The following SLC35D3 variants were observed in gnomAD, a reference collection of about 807,000 sequenced individuals.
SLC35D3 encodes solute carrier family 35 member D3, also known as frc, fringe-like 1.
Under a neutral mutation model 20.3 loss-of-function variants are expected in SLC35D3, and 18 were observed. The observed-to-expected ratio is 0.89, with a 90% confidence interval of 0.61 to 1.32. The LOEUF (loss-of-function observed/expected upper bound fraction) is 1.32. Among genes scored for constraint, SLC35D3 ranks in the 40% most tolerant of loss-of-function variants. SLC35D3 has a pLI of 0.00. For synonymous variants in SLC35D3, 313 were observed against 263.5 expected, an observed-to-expected ratio of 1.19 and a Z score of -1.82; for missense variants, 556 against 565.5, an observed-to-expected ratio of 0.98 and a Z score of 0.17.
Position 136,924,270 on chromosome 6 carries a change from C to T in SLC35D3, c.825C>T (p.Ser275=), listed in dbSNP as rs542289113. ...ATITVGMVAF[S]DVEPTSLFIA... ...TCACGGTGGGCATGGTGGCCTTCAGCGACGTGGAGCCCACCTCTCTGTTCA... is the reference window on the plus strand; with the variant it reads ...TCACGGTGGGCATGGTGGCCTTCAGTGACGTGGAGCCCACCTCTCTGTTCA... The change falls in exon 2 of 2, where the codon AGC becomes AGT. Residue 275 remains serine, a synonymous_variant. Coordinates refer to ENST00000331858, the MANE Select transcript of SLC35D3 (RefSeq NM_001008783.3). The T allele has an allele frequency of 1.2e-6, 2 of 1,614,096 alleles. No individual in the cohort carries two copies. The highest frequency in any genetic ancestry group is 3.3e-5 in the Admixed American group (2 of 60,032).
At position 136,924,491 on chromosome 6, in the gene SLC35D3, G is replaced by T; in HGVS notation, c.1046G>T (p.Gly349Val). ...GEGGNGRSEGGEAAGGPAQES... is the reference protein window; with the variant it reads ...GEGGNGRSEGVEAAGGPAQES... ...GGAGGAAATGGCCGGTCAGAAGGTGGGGAGGCAGCAGGTGGCCCCGCTCAG... is the reference window on the plus strand; with the variant it reads ...GGAGGAAATGGCCGGTCAGAAGGTGTGGAGGCAGCAGGTGGCCCCGCTCAG... The change falls in exon 2 of 2, where the codon GGG (glycine) becomes GTG (valine). Residue 349 changes from glycine (G) to valine (V), a missense_variant. Transcript: ENST00000331858. 1 of 1,613,552 alleles carries T rather than the reference G, an allele frequency of 6.2e-7. No homozygotes were observed. Among genetic ancestry groups the T allele is most frequent in the Middle Eastern group, 1.7e-4 (1 of 5,848 alleles).
In SLC35D3 at chr6:136,925,193, T is replaced by C. The variant is rs951192541; in HGVS notation, c.*497T>C. 1 of 154,152 alleles carries C rather than the reference T, an allele frequency of 6.5e-6. No individual in the cohort carries two copies. Among genetic ancestry groups the C allele is most frequent in the African/African-American group, 2.4e-5 (1 of 41,460 alleles). 9.5% of individuals were successfully genotyped at this position (154,152 alleles called of 1,614,324 possible). On this transcript the variant is annotated 3_prime_UTR_variant, in exon 2 of 2. Coordinates refer to ENST00000331858, the MANE Select transcript of SLC35D3 (RefSeq NM_001008783.3). ...ATATTGAATTGATGTTTACTGTTTATAGTCATCTGAAATATCATATTTACT... is the reference window on the plus strand; with the variant it reads ...ATATTGAATTGATGTTTACTGTTTACAGTCATCTGAAATATCATATTTACT...
rs1442159765 is a variant in SLC35D3 at position 136,922,841 on chromosome 6, T to C, written c.413T>C (p.Ile138Thr). 3 of 1,545,598 alleles carry C rather than the reference T, an allele frequency of 1.9e-6. No individual in the cohort carries two copies. Among genetic ancestry groups the C allele is most frequent in the East Asian group, 2.4e-5 (1 of 41,274 alleles). The change falls in exon 1 of 2, where the codon ATC (isoleucine) becomes ACC (threonine). Residue 138 changes from isoleucine (I) to threonine (T), a missense_variant. Coordinates refer to ENST00000331858, the MANE Select transcript of SLC35D3 (RefSeq NM_001008783.3). This position sits in a 1 kb window ranked among gnomAD's most constrained non-coding sequence, Gnocchi z 6.8. ...CCAGGGGTGCTGGCGGCGGTGCTCA[T>C]CACCACCTGCGGCGCCGCCCTGGCA... Reference protein sequence around the residue: ...PSPGVLAAVLITTCGAALAGA... With the variant: ...PSPGVLAAVLTTTCGAALAGA...
chr6:136,924,557 C>T lies in SLC35D3; in HGVS notation c.1112C>T (p.Pro371Leu), dbSNP rs767981863. The part of the protein sequence containing the change: ...QEVRGSPRGV[P>L]LVAGSSEEGS... ...GTCAGGGGCAGCCCCCGAGGAGTCC[C>T]GCTGGTGGCTGGGAGCTCTGAAGAA... Residue 371 changes from proline to leucine, a missense_variant, in exon 2 of 2, where the codon CCG becomes CTG. Pro to Leu is a moderately conservative substitution (Grantham distance 98). Coordinates refer to ENST00000331858, the MANE Select transcript of SLC35D3 (RefSeq NM_001008783.3). 2.5e-6 allele frequency: 4 copies of T among 1,613,542 alleles called. No individual in the cohort carries two copies. Among genetic ancestry groups the T allele is most frequent in the Admixed American group, 3.3e-5 (2 of 60,010 alleles).
rs1420818887 is a variant in SLC35D3, at chr6:136,924,509, C to G, written c.1064C>G (p.Pro355Arg). ...GAAGGTGGGGAGGCAGCAGGTGGCCCCGCTCAGGAGAGCAGGCAAGAGGTC... is the reference window on the plus strand; with the variant it reads ...GAAGGTGGGGAGGCAGCAGGTGGCCGCGCTCAGGAGAGCAGGCAAGAGGTC... Reference protein sequence around the residue: ...RSEGGEAAGGPAQESRQEVRG... With the variant: ...RSEGGEAAGGRAQESRQEVRG... Residue 355 changes from proline to arginine, a missense_variant, in exon 2 of 2, where the codon CCC becomes CGC. By Grantham distance (103) the Pro-to-Arg change is moderately radical. Transcript: ENST00000331858. 6.2e-7 allele frequency: 1 copy of G among 1,613,342 alleles called. No individual in the cohort carries two copies. The highest frequency in any genetic ancestry group is 2.2e-5 in the East Asian group (1 of 44,872).
rs771964030 is a variant in SLC35D3 at position 136,922,635 on chromosome 6, C to G, written c.207C>G (p.Pro69=). ...GCCTCGGGCTCATCGCCGTGCCCCC[C>G]TTCGGTCTGAGCCTGGCGCGCTCCT... ...LRRLGLIAVP[P]FGLSLARSFA... is the part of the protein sequence containing the mutation. The change falls in exon 1 of 2, where the codon CCC becomes CCG. Residue 69 remains proline, a synonymous_variant. Coordinates refer to ENST00000331858, the MANE Select transcript of SLC35D3 (RefSeq NM_001008783.3). This position sits in a 1 kb window ranked among gnomAD's most constrained non-coding sequence, Gnocchi z 6.8. 1 of 1,610,190 alleles carries G rather than the reference C, an allele frequency of 6.2e-7. No homozygotes were observed. The highest frequency in any genetic ancestry group is 8.5e-7 in the Non-Finnish European group (1 of 1,179,570).
Position 136,924,415 on chromosome 6 carries a change from C to A in SLC35D3, c.970C>A (p.Gln324Lys), listed in dbSNP as rs777783191. The A allele has an allele frequency of 6.2e-7, 1 of 1,613,958 alleles. No homozygotes were observed. Residue 324 changes from glutamine to lysine, a missense_variant, in exon 2 of 2, where the codon CAG (glutamine) becomes AAG (lysine). Coordinates refer to ENST00000331858, the MANE Select transcript of SLC35D3 (RefSeq NM_001008783.3). The part of the protein sequence containing the change: ...LEAQPRGEEA[Q>K]LSGDQLPFVM... ...GGCCCAGCCTCGGGGAGAGGAGGCG[C>A]AGCTAAGTGGAGACCAGCTGCCGTT...
Position 136,922,655 on chromosome 6 carries a change from G to C in SLC35D3, c.227G>C (p.Arg76Pro). 6.2e-7 allele frequency: 1 copy of C among 1,607,960 alleles called. No homozygotes were observed. Among genetic ancestry groups the C allele is most frequent in the Non-Finnish European group, 8.5e-7 (1 of 1,178,986 alleles). The change falls in exon 1 of 2, where the codon CGC (arginine) becomes CCC (proline). Residue 76 changes from arginine (R) to proline (P), a missense_variant. Coordinates refer to ENST00000331858, the MANE Select transcript of SLC35D3 (RefSeq NM_001008783.3). The surrounding 1 kb of genome is among the most constrained non-coding windows in gnomAD (Gnocchi z 6.8). ...CCCCCCTTCGGTCTGAGCCTGGCGC[G>C]CTCCTTCGCGGGGGTCGCGGTGCTC... The part of the protein sequence containing the change: ...AVPPFGLSLA[R>P]SFAGVAVLST...
rs1476702182 is a variant in SLC35D3, at chr6:136,925,260, A to G, written c.*564A>G. ...GTTTTTTAAAAATAAGTGTCCTATT[A>G]TTGTATTATATATTGATAGAAACTG... On this transcript the variant is annotated 3_prime_UTR_variant, in exon 2 of 2. Transcript: ENST00000331858. 6.5e-6 allele frequency: 1 copy of G among 152,770 alleles called. No homozygotes were observed. Among genetic ancestry groups the G allele is most frequent in the Non-Finnish European group, 1.5e-5 (1 of 68,150 alleles). The allele number at this position is 152,770 out of a possible 1,614,324, so 9.5% of individuals were successfully genotyped here. A position where few individuals can be genotyped will look rare whatever the true frequency, so the allele number is the denominator to read the frequency against.
In SLC35D3 at chr6:136,922,731, GCCCATGTA is replaced by G; in HGVS notation, c.305_312del (p.Pro102ArgfsTer274). On this transcript the variant is annotated frameshift_variant, in exon 1 of 2. Coordinates refer to ENST00000331858, the MANE Select transcript of SLC35D3 (RefSeq NM_001008783.3). LOFTEE classifies it high-confidence loss of function. This position sits in a 1 kb window ranked among gnomAD's most constrained non-coding sequence, Gnocchi z 6.8. Reference sequence around the variant, plus strand: ...TCTGGTCCCTGCGCGGCCTCAGCCTGCCCATGTACGTGGTCTTCAAGCGCTGCCTGCCC... The same window carrying G: ...TCTGGTCCCTGCGCGGCCTCAGCCTGCGTGGTCTTCAAGCGCTGCCTGCCC... 1 of 1,580,158 alleles carries G rather than the reference GCCCATGTA, an allele frequency of 6.3e-7. No individual in the cohort carries two copies. Among genetic ancestry groups the G allele is most frequent in the Non-Finnish European group, 8.6e-7 (1 of 1,163,772 alleles).
chr6:136,922,477 G>A lies in SLC35D3; in HGVS notation c.49G>A (p.Ala17Thr). The change falls in exon 1 of 2, where the codon GCG becomes ACG. Residue 17 changes from alanine to threonine, a missense_variant. Physicochemically the swap from Ala to Thr is moderately conservative, Grantham distance 58. Transcript: ENST00000331858. This position sits in a 1 kb window ranked among gnomAD's most constrained non-coding sequence, Gnocchi z 6.8. The part of the protein sequence containing the change: ...GRVLGISVAI[A>T]HGVFSGSLNI... ...CGTGCTGGGCATCTCGGTGGCCATCGCGCACGGGGTCTTCTCGGGCTCCCT... is the reference window on the plus strand; with the variant it reads ...CGTGCTGGGCATCTCGGTGGCCATCACGCACGGGGTCTTCTCGGGCTCCCT... 1 of 1,607,978 alleles carries A rather than the reference G, an allele frequency of 6.2e-7. No individual in the cohort carries two copies. Among genetic ancestry groups the A allele is most frequent in the East Asian group, 2.2e-5 (1 of 44,602 alleles).
chr6:136,923,162 G>T lies in SLC35D3; in HGVS notation c.439+295G>T, dbSNP rs1776085967. On this transcript the variant is annotated intron_variant, in intron 1 of 1. Coordinates refer to ENST00000331858, the MANE Select transcript of SLC35D3 (RefSeq NM_001008783.3). This position sits in a 1 kb window ranked among gnomAD's most constrained non-coding sequence, Gnocchi z 6.2. ...TCGCCCCCTCTCCTGGTCTTCCCCT[G>T]TCACCCCATTCTCCGGGAGAGGTGG... Among the ~76,000 whole-genome samples the T allele has an allele frequency of 6.6e-6, 1 of 152,092 alleles. No individual in the cohort carries two copies. Among genetic ancestry groups the T allele is most frequent in the Non-Finnish European group, 1.5e-5 (1 of 68,008 alleles).
Position 136,923,008 on chromosome 6 carries a change from T to A in SLC35D3, c.439+141T>A. ...AGAGAGAGCCGGAGAGCTTTGAGAG[T>A]GGTCGCTCAGCTCGCAAAAGGGACT... On this transcript the variant is annotated intron_variant, in intron 1 of 1. Transcript: ENST00000331858. This position sits in a 1 kb window ranked among gnomAD's most constrained non-coding sequence, Gnocchi z 6.2. 1.0e-6 allele frequency: 1 copy of A among 999,486 alleles called. No homozygotes were observed. The highest frequency in any genetic ancestry group is 1.4e-6 in the Non-Finnish European group (1 of 708,664). 61.9% of individuals were successfully genotyped at this position (999,486 alleles called of 1,614,324 possible). A position where few individuals can be genotyped will look rare whatever the true frequency, so the allele number is the denominator to read the frequency against.
Position 136,924,508 on chromosome 6 carries a change from C to T in SLC35D3, c.1063C>T (p.Pro355Ser). The change falls in exon 2 of 2, where the codon CCC (proline) becomes TCC (serine). Residue 355 changes from proline (P) to serine (S), a missense_variant. By Grantham distance (74) the Pro-to-Ser change is moderately conservative. Coordinates refer to ENST00000331858, the MANE Select transcript of SLC35D3 (RefSeq NM_001008783.3). ...RSEGGEAAGG[P>S]AQESRQEVRG... The stretch of plus-strand genomic sequence containing the variant: ...AGAAGGTGGGGAGGCAGCAGGTGGC[C>T]CCGCTCAGGAGAGCAGGCAAGAGGT... 6.2e-7 allele frequency: 1 copy of T among 1,613,284 alleles called. No homozygotes were observed. The highest frequency in any genetic ancestry group is 8.5e-7 in the Non-Finnish European group (1 of 1,179,830).
chr6:136,922,539 GTTCTCC>G lies in SLC35D3; in HGVS notation c.115_120del (p.Ser39_Phe40del). The G allele has an allele frequency of 1.9e-6, 3 of 1,612,610 alleles. No homozygotes were observed. In the South Asian group the frequency reaches 3.3e-5, roughly 18 times the overall value. ...TCAAGTTCCTCATCAGCCGCTACCA[GTTCTCC>G]TTCCTGACCCTGGTGCAGTGCCTGA... On this transcript the variant is annotated inframe_deletion, in exon 1 of 2. Coordinates refer to ENST00000331858, the MANE Select transcript of SLC35D3 (RefSeq NM_001008783.3). The surrounding 1 kb of genome is among the most constrained non-coding windows in gnomAD (Gnocchi z 6.8).
rs1269530079 is a variant in SLC35D3, at chr6:136,923,318, C to T, written c.439+451C>T. 1.3e-5 allele frequency among the ~76,000 whole-genome samples: 2 copies of T among 152,126 alleles called. No homozygotes were observed. The highest frequency in any genetic ancestry group is 2.9e-5 in the Non-Finnish European group (2 of 68,012). Reference sequence around the variant, plus strand: ...GGATGGGGGCGAAGCTGAGGGTTCCCGGGGCTACTGCGGGGTGTCTCGTGC... The same window carrying T: ...GGATGGGGGCGAAGCTGAGGGTTCCTGGGGCTACTGCGGGGTGTCTCGTGC... On this transcript the variant is annotated intron_variant, in intron 1 of 1. Transcript: ENST00000331858. The surrounding 1 kb of genome is among the most constrained non-coding windows in gnomAD (Gnocchi z 6.2).
rs1008481476 is a variant in SLC35D3 at position 136,924,245 on chromosome 6, T to C, written c.800T>C (p.Ile267Thr). The C allele has an allele frequency of 3.1e-6, 5 of 1,613,922 alleles. No individual in the cohort carries two copies. The highest frequency in any genetic ancestry group is 3.3e-4 in the Middle Eastern group (2 of 6,084). Residue 267 changes from isoleucine to threonine, a missense_variant, in exon 2 of 2, where the codon ATC becomes ACC. By Grantham distance (89) the Ile-to-Thr change is moderately conservative. Transcript: ENST00000331858. Reference protein sequence around the residue: ...FVGVVKSIATITVGMVAFSDV... With the variant: ...FVGVVKSIATTTVGMVAFSDV... Reference sequence around the variant, plus strand: ...GGTGTGGTGAAGAGCATCGCCACCATCACGGTGGGCATGGTGGCCTTCAGC... The same window carrying C: ...GGTGTGGTGAAGAGCATCGCCACCACCACGGTGGGCATGGTGGCCTTCAGC...
Position 136,923,427 on chromosome 6 carries a change from G to C in SLC35D3, c.440-458G>C, listed in dbSNP as rs546238563. On this transcript the variant is annotated intron_variant, in intron 1 of 1. Transcript: ENST00000331858. This position sits in a 1 kb window ranked among gnomAD's most constrained non-coding sequence, Gnocchi z 6.2. ...TGGGCAGGGGGAAGCTTCACTGGGGGCCAGAACAGGCGTTCTCCCCCGCGC... is the reference window on the plus strand; with the variant it reads ...TGGGCAGGGGGAAGCTTCACTGGGGCCCAGAACAGGCGTTCTCCCCCGCGC... 3.8e-3 allele frequency among the ~76,000 whole-genome samples: 573 copies of C among 152,208 alleles called. 2 individuals carry two copies. The highest frequency in any genetic ancestry group is 0.013 in the African/African-American group (543 of 41,532).
At position 136,922,711 on chromosome 6, in the gene SLC35D3, T is replaced by C; in HGVS notation, c.283T>C (p.Ser95Pro). The change falls in exon 1 of 2, where the codon TCC (serine) becomes CCC (proline). Residue 95 changes from serine (S) to proline (P), a missense_variant. Transcript: ENST00000331858. This position sits in a 1 kb window ranked among gnomAD's most constrained non-coding sequence, Gnocchi z 6.8. ...GCTGCAGTCCAGCCTCACGCTCTGG[T>C]CCCTGCGCGGCCTCAGCCTGCCCAT... ...STLQSSLTLWSLRGLSLPMYV... is the reference protein window; with the variant it reads ...STLQSSLTLWPLRGLSLPMYV... 1.3e-6 allele frequency: 2 copies of C among 1,590,866 alleles called. No individual in the cohort carries two copies. Among genetic ancestry groups the C allele is most frequent in the Non-Finnish European group, 1.7e-6 (2 of 1,169,678 alleles).
Sources: allele counts gnomAD v4.1 joint callset (sites outside exome capture counted in the v4.1 genomes callset), GRCh38; gene constraint gnomAD v4.1.1; non-coding constraint Gnocchi (gnomAD v3.1); transcripts MANE v1.5; gene names NCBI Gene and HGNC (gene_info 2026-07-23, HGNC 2026-07-21).